Variants in BBOF1 observed in about 807,000 individuals in gnomAD.
The protein encoded by BBOF1 is basal body orientation factor 1, also known as basal body-orientation factor 1.
Under a neutral mutation model 68.0 loss-of-function variants are expected in BBOF1, and 62 were observed. The ratio of observed to expected loss-of-function variants is 0.91; its 90% CI spans 0.74 to 1.13. The LOEUF (loss-of-function observed/expected upper bound fraction) is 1.13. Among genes scored for constraint, BBOF1 ranks in the 50% most tolerant of loss-of-function variants. The probability of loss-of-function intolerance (pLI) is 0.00; values close to 1 mark genes in which losing one functional copy is unlikely to be tolerated. For missense variants in BBOF1, 534 were observed against 600.1 expected (o/e 0.89, Z 1.15); for synonymous variants, 208 against 198.8 (o/e 1.05, Z -0.39).
At chr14:74,025,038 G>A (rs1379309590) in intron 2 of BBOF1, among the ~76,000 whole-genome samples, 1 of 152,056 alleles carries the variant, frequency 6.6e-6, no homozygotes, top group Non-Finnish European at 1.5e-5. Context: ...AAAGTGTTGG[G>A]ATTACATGCA....
intron 4 of BBOF1, among the ~76,000 whole-genome samples, chr14:74,039,548 C>T (rs906106999): frequency 6.6e-6 from 1 of 151,848 alleles, no homozygotes; most frequent in Non-Finnish European, 1.5e-5. Flanking sequence ...CCTGCCTCAG[C>T]GTCCCAAGTA....
At chr14:74,056,757 A>G in intron 9 of BBOF1, 149 bp from the exon 10 acceptor site, 6 of 620,874 alleles carry the variant, frequency 9.7e-6, no homozygotes, top group Non-Finnish European at 1.7e-5. Flanking sequence ...TGCCTGTATC[A>G]AAACATCTCA....
At chr14:74,056,077 G>A (rs2060194878) in intron 9 of BBOF1, among the ~76,000 whole-genome samples, 1 of 151,638 alleles carries the variant, frequency 6.6e-6, no homozygotes, top group African/African-American at 2.4e-5. Context: ...TGTCACCCAG[G>A]CCAGAGTGCA....
intron 1 of BBOF1, among the ~76,000 whole-genome samples, chr14:74,020,144 A>G (rs901105282): frequency 2.4e-4 from 37 of 152,228 alleles, no homozygotes; most frequent in Admixed American, 1.3e-4. Flanking sequence ...ACACTACTAT[A>G]TTTTGGAGTA....
intron 5 of BBOF1, among the ~76,000 whole-genome samples, chr14:74,045,745 C>CTGAA (rs1224620303): frequency 1.3e-5 from 2 of 152,182 alleles, no homozygotes; most frequent in African/African-American, 4.8e-5. Context: ...GCTACCATTC[C>CTGAA]TGAATGAATA....
intron 5 of BBOF1, among the ~76,000 whole-genome samples, chr14:74,042,435 C>A (rs1038003601): frequency 6.6e-6 from 1 of 152,084 alleles, no homozygotes; most frequent in East Asian, 1.9e-4. Context: ...TACAGAATAC[C>A]CGAGTAACAG....
intron 8 of BBOF1, among the ~76,000 whole-genome samples, chr14:74,051,864 G>A (rs957457946): frequency 1.8e-4 from 27 of 151,760 alleles, no homozygotes; most frequent in Admixed American, 2.0e-4. Context: ...TTACAGGCAC[G>A]AGCCACCATG....
At chr14:74,066,360 T>C (rs912878750), downstream of BBOF1, among the ~76,000 whole-genome samples, 1 of 152,190 alleles carries the variant, frequency 6.6e-6, no homozygotes, top group Non-Finnish European at 1.5e-5. Flanking sequence ...AATTCAAATA[T>C]CAGTGTCCAT....
At chr14:74,073,509 G>A (rs949780965) in intron 9 of BBOF1, among the ~76,000 whole-genome samples, 4 of 152,140 alleles carry the variant, frequency 2.6e-5, no homozygotes, top group Non-Finnish European at 5.9e-5. Flanking sequence ...GTAGAAACAC[G>A]ATATTATGAA....
Position 74,046,150 on chromosome 14 carries a change from T to C in BBOF1, c.647+20T>C. 6.3e-7 allele frequency: 1 copy of C among 1,579,350 alleles called. No homozygotes were observed. Among genetic ancestry groups the C allele is most frequent in the Non-Finnish European group, 8.6e-7 (1 of 1,160,490 alleles). On this transcript the variant is annotated intron_variant, in intron 6 of 11. Transcript: ENST00000394009. ...TATTGTGTAAGAGACTGCTGCCTAC[T>C]TTCTGACTCTGATTACCTCTCTTAC... is the stretch of plus-strand genomic sequence containing the variant.
chr14:74,074,998 G>C, intron 9 of BBOF1: 15 of 1,613,990 alleles, frequency 9.3e-6, no homozygotes, highest in Non-Finnish European at 1.3e-5. Context: ...GGTGGGACTG[G>C]ATTTCACCTT....
At chr14:74,064,652 T>C in intron 11 of BBOF1, 36 bp from the exon 12 acceptor site, 1 of 1,612,074 alleles carries the variant, frequency 6.2e-7, no homozygotes, top group African/African-American at 1.3e-5. Context: ...AGAAGCAGCT[T>C]TGGCAAAATT....
intron 9 of BBOF1, among the ~76,000 whole-genome samples, chr14:74,072,952 A>G (rs1413428635): frequency 6.6e-6 from 1 of 152,046 alleles, no homozygotes; most frequent in Non-Finnish European, 1.5e-5. Context: ...GACACCCGCC[A>G]CAACACCCAA....
intron 11 of BBOF1, chr14:74,059,998 G>T (rs2060304298): frequency 1.3e-5 from 2 of 154,420 alleles, no homozygotes; most frequent in Admixed American, 1.3e-4. Flanking sequence ...GGATAAAAGA[G>T]GGGCTAAAGA....
intron 4 of BBOF1, among the ~76,000 whole-genome samples, chr14:74,035,578 C>A (rs12890479): frequency 5.9e-5 from 8 of 135,262 alleles, no homozygotes; most frequent in African/African-American, 3.1e-5. Flanking sequence ...CCACCACCCC[C>A]AGCTAATTTT....
Position 74,060,730 on chromosome 14 carries a change from G to A in BBOF1, c.1578+3472G>A, listed in dbSNP as rs1343948109. 1.9e-6 allele frequency: 3 copies of A among 1,612,440 alleles called. No individual in the cohort carries two copies. The Admixed American group carries it at 5.0e-5, about 27-fold the overall frequency. On this transcript the variant is annotated intron_variant, in intron 11 of 11. Transcript: ENST00000394009. ...CTGAGAAGTAATGGTCTTTAACTGA[G>A]TGTAGAATTGGATGCCCTAAGGAAA... is the stretch of plus-strand genomic sequence containing the variant.
Position 74,049,966 on chromosome 14 carries a change from C to T in BBOF1, c.1057C>T (p.Leu353=). ...TGTGAAGAAGCTGGCCAAGAACATA[C>T]TGGATGAGAGAACAGAAGTGGAAAG... is the stretch of plus-strand genomic sequence containing the variant. ...NRVKKLAKNI[L]DERTEVERFF... is the part of the protein sequence containing the mutation. The change falls in exon 8 of 12, where the codon CTG becomes TTG. Residue 353 remains leucine (L), a synonymous_variant. Transcript: ENST00000394009. The T allele has an allele frequency of 6.2e-7, 1 of 1,614,160 alleles. No homozygotes were observed. Among genetic ancestry groups the T allele is most frequent in the East Asian group, 2.2e-5 (1 of 44,888 alleles).
intron 3 of BBOF1, among the ~76,000 whole-genome samples, chr14:74,030,933 T>TAGAG (rs563665358): frequency 0.046 from 6,730 of 147,152 alleles, 193 homozygotes; most frequent in South Asian, 0.088. Context: ...TATATATATA[T>TAGAG]ATATATAGAG....
intron 9 of BBOF1, among the ~76,000 whole-genome samples, chr14:74,075,425 GACGGGTATAT>G (rs751025308): frequency 3.3e-5 from 5 of 152,120 alleles, no homozygotes; most frequent in Non-Finnish European, 5.9e-5. Flanking sequence ...GGGAAGCTGA[GACGGGTATAT>G]CACTTGAGTC....
Sources: allele counts gnomAD v4.1 joint callset (sites outside exome capture counted in the v4.1 genomes callset), GRCh38; gene constraint gnomAD v4.1.1; transcripts MANE v1.5; gene names NCBI Gene and HGNC (gene_info 2026-07-23, HGNC 2026-07-21).